Variants in MAP3K1 observed in about 807,000 individuals in gnomAD.
The protein encoded by MAP3K1 is mitogen-activated protein kinase kinase kinase 1, also known as MAP/ERK kinase kinase 1.
A neutral mutation model predicts 144.2 loss-of-function variants in MAP3K1; 36 were observed. That is an observed-to-expected ratio of 0.25 (90% confidence interval 0.19 to 0.33). The LOEUF is 0.33. Ranked by LOEUF, MAP3K1 falls within the 10% of genes least tolerant of loss-of-function variation. The pLI is 1.00. For missense variants in MAP3K1, 1,650 were observed against 1,881.9 expected, an observed-to-expected ratio of 0.88 and a Z score of 2.28; for synonymous variants, 718 against 688.7, an observed-to-expected ratio of 1.04 and a Z score of -0.67.
At chr5:56,891,529 G>A (rs945290539) in intron 19 of MAP3K1, among the ~76,000 whole-genome samples, 2 of 152,150 alleles carry the variant, frequency 1.3e-5, no homozygotes, top group Non-Finnish European at 2.9e-5. Context: ...CTCTGCAGAA[G>A]CGCTTTAGTT....
At chr5:56,864,708 A>T in intron 3 of MAP3K1, 26 bp from the exon 4 acceptor site, 2 of 1,610,824 alleles carry the variant, frequency 1.2e-6, no homozygotes, top group East Asian at 2.2e-5. Flanking sequence ...TGAGAAACGT[A>T]CCTAATAAAA....
intron 1 of MAP3K1, among the ~76,000 whole-genome samples, chr5:56,837,072 G>A (rs1746677565): frequency 6.6e-6 from 1 of 151,982 alleles, no homozygotes; most frequent in South Asian, 2.1e-4. Flanking sequence ...GAGAATCTAG[G>A]TGTGAGAAAT....
chr5:56,883,549 A>G lies in MAP3K1; in HGVS notation c.3689A>G (p.His1230Arg). 6.2e-7 allele frequency: 1 copy of G among 1,614,108 alleles called. No homozygotes were observed. Among genetic ancestry groups the G allele is most frequent in the Admixed American group, 1.7e-5 (1 of 60,012 alleles). The change falls in exon 15 of 20, where the codon CAT becomes CGT. Residue 1230 changes from histidine (H) to arginine (R), a missense_variant. Around this residue, in one of 6 missense-constraint regions of MAP3K1, gnomAD observed 841 missense variants for 886.5 expected, o/e 0.95. Coordinates refer to ENST00000399503, the MANE Select transcript of MAP3K1 (RefSeq NM_005921.2). ...TAGACACCAGAGACTCTACCAGGAC[A>G]TACCAAAGCAAAACAACCGTATAGA... ...QQDTPETLPG[H>R]TKAKQPYRED...
At chr5:56,875,640 TTC>T (rs1297347413) in intron 10 of MAP3K1, among the ~76,000 whole-genome samples, 10 of 152,112 alleles carry the variant, frequency 6.6e-5, no homozygotes, top group Non-Finnish European at 1.5e-5. Flanking sequence ...CATCCTCCTT[TTC>T]CACTTACCAC....
At position 56,840,280 on chromosome 5, in the gene MAP3K1, C is replaced by T. The variant is rs573640113; in HGVS notation, c.483-16320C>T. 2.0e-4 allele frequency among the ~76,000 whole-genome samples: 31 copies of T among 152,038 alleles called. No individual in the cohort carries two copies. The South Asian group carries it at 5.0e-3, about 24-fold the overall frequency. On this transcript the variant is annotated intron_variant, in intron 1 of 19. Transcript: ENST00000399503. ...CTCCTGCCTCAGCCTCCCAGTTAGC[C>T]GGGATTACAGGCACATGCCACCACA...
chr5:56,891,152 C>A (rs1214044720), intron 19 of MAP3K1, among the ~76,000 whole-genome samples: 3 of 31,768 alleles, frequency 9.4e-5, no homozygotes, highest in South Asian at 2.1e-3. Flanking sequence ...ACACACACCC[C>A]CCCCCCCCAC....
intron 1 of MAP3K1, among the ~76,000 whole-genome samples, chr5:56,816,687 G>A (rs771195106): frequency 7.9e-5 from 12 of 152,192 alleles, no homozygotes; most frequent in Admixed American, 1.3e-4. Context: ...AGGGCTCCAG[G>A]AGGACGGCTC....
In MAP3K1 at chr5:56,865,753, T is replaced by A. The variant is rs1039129610; in HGVS notation, c.1153-76T>A. On this transcript the variant is annotated intron_variant, in intron 5 of 19. Transcript: ENST00000399503. Reference sequence around the variant, plus strand: ...GAAAAACATGCAAATTAAAGATAAATAATTCAGCCTCTAGAACTCTTCATA... The same window carrying A: ...GAAAAACATGCAAATTAAAGATAAAAAATTCAGCCTCTAGAACTCTTCATA... The A allele has an allele frequency of 2.8e-5, 41 of 1,441,518 alleles. No individual in the cohort carries two copies. The Admixed American group carries it at 6.6e-4, about 23-fold the overall frequency. 89.3% of individuals were successfully genotyped at this position (1,441,518 alleles called of 1,614,324 possible).
intron 1 of MAP3K1, among the ~76,000 whole-genome samples, chr5:56,818,908 C>T (rs1581202030): frequency 6.6e-6 from 1 of 152,214 alleles, no homozygotes; most frequent in East Asian, 1.9e-4. Flanking sequence ...CTTTTTAAAG[C>T]TATTAGGCTA....
At chr5:56,893,066 C>T (rs916706740) in intron 19 of MAP3K1, among the ~76,000 whole-genome samples, 6 of 151,690 alleles carry the variant, frequency 4.0e-5, no homozygotes, top group South Asian at 4.2e-4. Flanking sequence ...TTGTCCAACA[C>T]GGAAGGAAAA....
chr5:56,881,195 G>A lies in MAP3K1; in HGVS notation c.2292G>A (p.Leu764=), dbSNP rs778285134. ...GCCGCCTTTGTCTTATAGATAGACT[G>A]TTGTTGGAATTTCCTGCTGAATTTT... ...LLGRLCLIDR[L]LLEFPAEFYP... The change falls in exon 13 of 20, where the codon CTG becomes CTA. Residue 764 remains leucine, a synonymous_variant. Coordinates refer to ENST00000399503, the MANE Select transcript of MAP3K1 (RefSeq NM_005921.2). 2 of 1,613,688 alleles carry A rather than the reference G, an allele frequency of 1.2e-6. No individual in the cohort carries two copies. Among genetic ancestry groups the A allele is most frequent in the Non-Finnish European group, 1.7e-6 (2 of 1,179,800 alleles).
chr5:56,828,477 T>C (rs1746385590), intron 1 of MAP3K1, among the ~76,000 whole-genome samples: 1 of 152,210 alleles, frequency 6.6e-6, no homozygotes, highest in Non-Finnish European at 1.5e-5. Context: ...TTAGAAACTC[T>C]TGGAATTTTA....
chr5:56,826,192 T>C (rs944752526), intron 1 of MAP3K1, among the ~76,000 whole-genome samples: 2 of 152,118 alleles, frequency 1.3e-5, no homozygotes, highest in Non-Finnish European at 2.9e-5. Context: ...GTTTTGTTTG[T>C]TTTGTTTTTA....
At chr5:56,883,213 A>G (rs185141801) in intron 14 of MAP3K1, among the ~76,000 whole-genome samples, 1 of 152,302 alleles carries the variant, frequency 6.6e-6, no homozygotes, top group Admixed American at 6.5e-5. Flanking sequence ...CTTGGACCAT[A>G]CTAAAATAAA....
At position 56,815,625 on chromosome 5, in the gene MAP3K1, A is replaced by G. The variant is rs1239608306; in HGVS notation, c.52A>G (p.Arg18Gly). ...CTCGTCGTCGGGATTCCCGGGCGCCAGGGCTACGAGCCCTGAGGCAGGCGG... is the reference window on the plus strand; with the variant it reads ...CTCGTCGTCGGGATTCCCGGGCGCCGGGGCTACGAGCCCTGAGGCAGGCGG... Reference protein sequence around the residue: ...RASSSGFPGARATSPEAGGGG... With the variant: ...RASSSGFPGAGATSPEAGGGG... Residue 18 changes from arginine to glycine, a missense_variant, in exon 1 of 20, where the codon AGG becomes GGG. Coordinates refer to ENST00000399503, the MANE Select transcript of MAP3K1 (RefSeq NM_005921.2). 2 of 1,314,004 alleles carry G rather than the reference A, an allele frequency of 1.5e-6. No homozygotes were observed. Among genetic ancestry groups the G allele is most frequent in the Admixed American group, 3.6e-5 (1 of 27,768 alleles). 81.4% of individuals were successfully genotyped at this position (1,314,004 alleles called of 1,614,324 possible).
Position 56,881,646 on chromosome 5 carries a change from T to G in MAP3K1, c.2446T>G (p.Ser816Ala), listed in dbSNP as rs759232332. The change falls in exon 14 of 20, where the codon TCC becomes GCC. Residue 816 changes from serine to alanine, a missense_variant. Physicochemically the swap from Ser to Ala is moderately conservative, Grantham distance 99 (BLOSUM62 1). Coordinates refer to ENST00000399503, the MANE Select transcript of MAP3K1 (RefSeq NM_005921.2). ...DNSHSMVGKL[S>A]RRIYLSSARM... ...TTCCCACTCAATGGTTGGCAAACTTTCCAGAAGGATCTACTTGAGTTCTGC... is the reference window on the plus strand; with the variant it reads ...TTCCCACTCAATGGTTGGCAAACTTGCCAGAAGGATCTACTTGAGTTCTGC... 1.9e-6 allele frequency: 3 copies of G among 1,613,998 alleles called. No individual in the cohort carries two copies. In the African/African-American group the frequency reaches 4.0e-5, roughly 22 times the overall value.
intron 1 of MAP3K1, among the ~76,000 whole-genome samples, chr5:56,822,752 C>T (rs530474464): frequency 3.3e-5 from 5 of 152,194 alleles, no homozygotes; most frequent in East Asian, 3.9e-4. Context: ...CAGACCTACA[C>T]CTGGCTACAT....
At chr5:56,852,211 A>G (rs1465049000) in intron 1 of MAP3K1, 1 of 152,200 alleles carries the variant, frequency 6.6e-6, no homozygotes, top group African/African-American at 2.4e-5. Context: ...GGTCTAATTT[A>G]TGGTACTGAT....
At chr5:56,878,931 T>G (rs1748119418) in intron 10 of MAP3K1, 49 bp from the exon 11 acceptor site, 2 of 1,594,922 alleles carry the variant, frequency 1.3e-6, no homozygotes, top group South Asian at 2.2e-5. Flanking sequence ...CCATTATCTC[T>G]GATGCTTTTT....
Sources: gnomAD v4.1 joint callset for allele counts (sites outside exome capture counted in the v4.1 genomes callset) on GRCh38, gnomAD v4.1.1 for gene constraint, gnomAD v4.1.1 regional missense constraint, MANE v1.5 for transcripts, NCBI Gene and HGNC (gene_info 2026-07-23, HGNC 2026-07-21) for gene names.